GNAQ: variants seen among roughly 807,000 people sequenced by gnomAD.
The protein encoded by GNAQ is guanine nucleotide-binding protein G(q) subunit alpha.
GNAQ carries 8 observed loss-of-function variants against 43.9 expected under a neutral mutation model. That is an observed-to-expected ratio of 0.18 (90% CI 0.11 to 0.33). The LOEUF is 0.33. Ranked by LOEUF, GNAQ falls within the 10% of genes least tolerant of loss-of-function variation. The probability of loss-of-function intolerance (pLI) is 1.00; values close to 1 mark genes in which losing one functional copy is unlikely to be tolerated. For missense variants in GNAQ, 158 were observed against 450.8 expected (o/e 0.35, Z 5.88); for synonymous variants, 155 against 170.7 (o/e 0.91, Z 0.71).
At chr9:77,913,200 T>C (rs1299839291) in intron 2 of GNAQ, among the ~76,000 whole-genome samples, 1 of 151,988 alleles carries the variant, frequency 6.6e-6, no homozygotes, top group Non-Finnish European at 1.5e-5. Flanking sequence ...TCCAAAGAAA[T>C]GCAGACTTAT....
Position 77,719,902 on chromosome 9 carries a change from A to C in GNAQ, c.*1421T>G, listed in dbSNP as rs1157598360. 1 of 232,522 alleles carries C rather than the reference A, an allele frequency of 4.3e-6. No homozygotes were observed. The highest frequency in any genetic ancestry group is 8.5e-6 in the Non-Finnish European group (1 of 117,676). The allele number at this position is 232,522 out of a possible 1,614,324, so 14.4% of individuals were successfully genotyped here. On this transcript the variant is annotated 3_prime_UTR_variant, in exon 7 of 7. Transcript: ENST00000286548. Reference sequence around the variant, plus strand: ...AACCTAATCAGTTACCAGTTCAAGAAGATCATGAAGGTGGTAAACTAGCAG... The same window carrying C: ...AACCTAATCAGTTACCAGTTCAAGACGATCATGAAGGTGGTAAACTAGCAG...
chr9:77,762,440 C>A (rs1826056169), intron 5 of GNAQ, among the ~76,000 whole-genome samples: 1 of 135,638 alleles, frequency 7.4e-6, no homozygotes, highest in South Asian at 2.7e-4. Context: ...GGTCAGCCCC[C>A]CGCCTGGCCA....
chr9:77,728,759 C>G (rs2118219641), intron 5 of GNAQ, 92 bp from the exon 6 acceptor site: 1 of 854,882 alleles, frequency 1.2e-6, no homozygotes, highest in South Asian at 1.6e-5. Flanking sequence ...TCCAACCCAT[C>G]TTTTGTATAC....
chr9:77,919,471 G>T (rs1301715685), intron 2 of GNAQ, among the ~76,000 whole-genome samples: 1 of 152,112 alleles, frequency 6.6e-6, no homozygotes, highest in African/African-American at 2.4e-5. Context: ...ATGAGGGGCT[G>T]GGAAGCTATC....
At chr9:77,722,439 T>G (rs776017145) in intron 6 of GNAQ, among the ~76,000 whole-genome samples, 38 of 152,090 alleles carry the variant, frequency 2.5e-4, no homozygotes, top group Non-Finnish European at 4.4e-4. Context: ...GCCCAACCTA[T>G]ATTTTCTTAC....
chr9:77,799,800 C>T (rs2118464441), intron 3 of GNAQ, among the ~76,000 whole-genome samples: 1 of 152,288 alleles, frequency 6.6e-6, no homozygotes, highest in South Asian at 2.1e-4. Context: ...TTCCAGGGGC[C>T]TTATCCCTGA....
intron 2 of GNAQ, among the ~76,000 whole-genome samples, chr9:77,864,418 T>C (rs1369922665): frequency 6.6e-6 from 1 of 152,186 alleles, no homozygotes; most frequent in Admixed American, 6.5e-5. Flanking sequence ...ATGAAATTAT[T>C]GTGGCTGATC....
intron 3 of GNAQ, among the ~76,000 whole-genome samples, chr9:77,803,172 A>G (rs537437186): frequency 6.6e-6 from 1 of 152,200 alleles, no homozygotes; most frequent in Admixed American, 6.5e-5. Context: ...TTAGCTATCC[A>G]TCCTTACGAA....
intron 1 of GNAQ, among the ~76,000 whole-genome samples, chr9:77,986,848 T>C (rs12339272): frequency 0.025 from 3,674 of 147,854 alleles, 142 homozygotes; most frequent in African/African-American, 0.085. Flanking sequence ...AGAGTTTTGA[T>C]AAGGGTTTTT....
intron 2 of GNAQ, among the ~76,000 whole-genome samples, chr9:77,890,368 T>C (rs1312372610): frequency 6.6e-6 from 1 of 152,194 alleles, no homozygotes; most frequent in Non-Finnish European, 1.5e-5. Context: ...TTCTAAATGT[T>C]CTTATTTCAT....
In GNAQ at chr9:77,868,736, G is replaced by A. The variant is rs143691748; in HGVS notation, c.322-52966C>T. Among the ~76,000 whole-genome samples, 92 of 152,186 alleles carry A rather than the reference G, an allele frequency of 6.0e-4. 1 individual carries two copies. The East Asian group carries it at 0.015, about 26-fold the overall frequency. ...CTTGAACCCGGGAGGCAGAGATTGC[G>A]GTGAGCCGAGATCGGGCCACTGCAC... On this transcript the variant is annotated intron_variant, in intron 2 of 6. Transcript: ENST00000286548.
chr9:77,898,740 T>C (rs527682975), intron 2 of GNAQ, among the ~76,000 whole-genome samples: 8 of 152,180 alleles, frequency 5.3e-5, no homozygotes, highest in Non-Finnish European at 8.8e-5. Context: ...AAAATAAAAA[T>C]TGATCCTTGA....
At chr9:77,913,518 C>T (rs1209660352) in intron 2 of GNAQ, among the ~76,000 whole-genome samples, 1 of 152,106 alleles carries the variant, frequency 6.6e-6, no homozygotes, top group Non-Finnish European at 1.5e-5. Flanking sequence ...AGATAGAAAG[C>T]ATTTTTATCA....
At chr9:77,853,264 T>G (rs1471846188) in intron 2 of GNAQ, among the ~76,000 whole-genome samples, 3 of 152,174 alleles carry the variant, frequency 2.0e-5, no homozygotes, top group Admixed American at 2.0e-4. Context: ...TGTGGCTCTT[T>G]GGGCATATTT....
chr9:77,807,516 GCCAGA>G (rs1826847671), intron 3 of GNAQ, among the ~76,000 whole-genome samples: 1 of 152,128 alleles, frequency 6.6e-6, no homozygotes, highest in Admixed American at 6.5e-5. Context: ...CCATTTTTAT[GCCAGA>G]CATTCTTTGT....
chr9:78,026,803 A>C (rs1221218053), intron 1 of GNAQ, among the ~76,000 whole-genome samples: 1 of 152,246 alleles, frequency 6.6e-6, no homozygotes, highest in East Asian at 1.9e-4. Flanking sequence ...AAAACTGTAT[A>C]GCTTTCAGTA....
chr9:77,833,683 A>T lies in GNAQ; in HGVS notation c.322-17913T>A, dbSNP rs1827337500. On this transcript the variant is annotated intron_variant, in intron 2 of 6. Coordinates refer to ENST00000286548, the MANE Select transcript of GNAQ (RefSeq NM_002072.5). ...TAAAATATCTTGCATATGATATAAGAGTGGCCTTGGAGAGCAAGGAAGCAA... is the reference window on the plus strand; with the variant it reads ...TAAAATATCTTGCATATGATATAAGTGTGGCCTTGGAGAGCAAGGAAGCAA... 2.6e-5 allele frequency among the ~76,000 whole-genome samples: 4 copies of T among 152,216 alleles called. No individual in the cohort carries two copies. The South Asian group carries it at 8.3e-4, about 32-fold the overall frequency.
intron 1 of GNAQ, among the ~76,000 whole-genome samples, chr9:78,019,255 G>C (rs894810412): frequency 1.2e-4 from 19 of 152,174 alleles, no homozygotes; most frequent in African/African-American, 4.3e-4. Flanking sequence ...ATTACTACAA[G>C]AAGTGGTATG....
At position 77,846,027 on chromosome 9, in the gene GNAQ, T is replaced by C. The variant is rs60704250; in HGVS notation, c.322-30257A>G. 4.7e-3 allele frequency among the ~76,000 whole-genome samples: 721 copies of C among 152,320 alleles called. 5 individuals carry two copies. Among genetic ancestry groups the C allele is most frequent in the African/African-American group, 0.016 (668 of 41,576 alleles). ...AGCACTGCATTCATGTGTATTATCC[T>C]TGAGGAAACGAGGCACACTTGTGCT... On this transcript the variant is annotated intron_variant, in intron 2 of 6. Coordinates refer to ENST00000286548, the MANE Select transcript of GNAQ (RefSeq NM_002072.5).
Sources: gnomAD v4.1 joint callset for allele counts (sites outside exome capture counted in the v4.1 genomes callset) on GRCh38, gnomAD v4.1.1 for gene constraint, MANE v1.5 for transcripts, NCBI Gene and HGNC (gene_info 2026-07-23, HGNC 2026-07-21) for gene names.